VWC2L: variants seen among roughly 807,000 people sequenced by gnomAD.
VWC2L encodes von Willebrand factor C domain-containing protein 2-like.
Under a neutral mutation model 21.6 loss-of-function variants are expected in VWC2L, and 10 were observed. That is an observed-to-expected ratio of 0.46 (90% CI 0.29 to 0.78). The LOEUF is 0.78. Ranked by LOEUF, VWC2L falls within the 30% of genes least tolerant of loss-of-function variation. VWC2L has a pLI of 0.10. For synonymous variants in VWC2L, 96 were observed against 94.3 expected (o/e 1.02, Z -0.10); for missense variants, 209 against 277.1 (o/e 0.75, Z 1.74).
intron 3 of VWC2L, among the ~76,000 whole-genome samples, chr2:214,457,687 T>A (rs1222364026): frequency 6.6e-6 from 1 of 152,164 alleles, no homozygotes; most frequent in African/African-American, 2.4e-5. Flanking sequence ...TTATCATGAA[T>A]GGATGTTGAA....
chr2:214,483,345 A>AT (rs376931341), intron 3 of VWC2L, among the ~76,000 whole-genome samples: 1,618 of 151,210 alleles, frequency 0.011, 28 homozygotes, highest in South Asian at 0.075. Context: ...TGGCTTAACT[A>AT]TTTTTTTTTC....
intron 3 of VWC2L, among the ~76,000 whole-genome samples, chr2:214,460,615 T>C (rs1227197909): frequency 6.6e-6 from 1 of 152,174 alleles, no homozygotes; most frequent in Non-Finnish European, 1.5e-5. Context: ...CCAGGATTCA[T>C]TTGGTTCTTT....
At chr2:214,427,100 A>G (rs1280454554) in intron 2 of VWC2L, among the ~76,000 whole-genome samples, 1 of 152,266 alleles carries the variant, frequency 6.6e-6, no homozygotes, top group South Asian at 2.1e-4. Flanking sequence ...AATTTTTAAA[A>G]AAGAAAATGC....
intron 3 of VWC2L, among the ~76,000 whole-genome samples, chr2:214,513,763 C>G (rs1209163439): frequency 6.6e-6 from 1 of 152,082 alleles, no homozygotes; most frequent in East Asian, 1.9e-4. Context: ...TAAAACAGAA[C>G]CCTCTATACA....
chr2:214,551,940 T>G (rs1329651579), intron 3 of VWC2L, among the ~76,000 whole-genome samples: 1 of 152,256 alleles, frequency 6.6e-6, no homozygotes, highest in Non-Finnish European at 1.5e-5. Context: ...AGCATCATTT[T>G]AACTCCTTCA....
intron 3 of VWC2L, among the ~76,000 whole-genome samples, chr2:214,440,774 T>TTAAGA (rs1702754340): frequency 2.0e-5 from 3 of 152,136 alleles, no homozygotes; most frequent in Admixed American, 1.3e-4. Context: ...TAAGAATCCA[T>TTAAGA]ATTTATAGAA....
At chr2:214,479,208 T>G (rs968120852) in intron 3 of VWC2L, among the ~76,000 whole-genome samples, 1 of 152,220 alleles carries the variant, frequency 6.6e-6, no homozygotes, top group African/African-American at 2.4e-5. Flanking sequence ...TCATGTCATT[T>G]ATAAATGATG....
intron 3 of VWC2L, among the ~76,000 whole-genome samples, chr2:214,501,393 C>G (rs192030316): frequency 1.3e-5 from 2 of 152,058 alleles, no homozygotes; most frequent in Admixed American, 1.3e-4. Context: ...CATACCCTTA[C>G]GTGTACCTGC....
At chr2:214,435,443 A>G (rs1485128527) in intron 2 of VWC2L, among the ~76,000 whole-genome samples, 1 of 152,202 alleles carries the variant, frequency 6.6e-6, no homozygotes, top group Non-Finnish European at 1.5e-5. Flanking sequence ...GTCATTCTCC[A>G]AGCAAAAAGC....
intron 3 of VWC2L, among the ~76,000 whole-genome samples, chr2:214,456,204 A>AT (rs947242502): frequency 7.8e-5 from 9 of 115,848 alleles, no homozygotes; most frequent in African/African-American, 2.1e-4. Context: ...AGCATCTGTT[A>AT]TTTTTTTGTC....
intron 3 of VWC2L, among the ~76,000 whole-genome samples, chr2:214,493,940 G>A (rs1337172526): frequency 6.6e-6 from 1 of 152,140 alleles, no homozygotes; most frequent in Non-Finnish European, 1.5e-5. Flanking sequence ...TTCACCAACT[G>A]TCATCTATTT....
chr2:214,432,900 T>C (rs1452285294), intron 2 of VWC2L, among the ~76,000 whole-genome samples: 1 of 151,920 alleles, frequency 6.6e-6, no homozygotes, highest in Non-Finnish European at 1.5e-5. Context: ...CATGCACCTG[T>C]AATTCCAGCT....
At chr2:214,452,739 A>G (rs1702994129) in intron 3 of VWC2L, among the ~76,000 whole-genome samples, 1 of 152,112 alleles carries the variant, frequency 6.6e-6, no homozygotes, top group Non-Finnish European at 1.5e-5. Context: ...CCTCCTCACC[A>G]ATGCTTGGAA....
intron 3 of VWC2L, among the ~76,000 whole-genome samples, chr2:214,544,257 T>C (rs936080424): frequency 6.6e-6 from 1 of 152,186 alleles, no homozygotes; most frequent in African/African-American, 2.4e-5. Flanking sequence ...TGTACAGGTA[T>C]AGATTAGAGA....
At chr2:214,545,458 T>A (rs1018585875) in intron 3 of VWC2L, among the ~76,000 whole-genome samples, 9 of 152,186 alleles carry the variant, frequency 5.9e-5, no homozygotes, top group Non-Finnish European at 8.8e-5. Flanking sequence ...ATGGTTTTTG[T>A]AAAGAGAATA....
intron 3 of VWC2L, among the ~76,000 whole-genome samples, chr2:214,573,584 G>C (rs1690184261): frequency 1.3e-5 from 2 of 152,106 alleles, no homozygotes; most frequent in Non-Finnish European, 2.9e-5. Flanking sequence ...CCTAGAACTG[G>C]CTGGGCTGAG....
chr2:214,508,270 G>T (rs926515434), intron 3 of VWC2L, among the ~76,000 whole-genome samples: 1 of 152,014 alleles, frequency 6.6e-6, no homozygotes, highest in Admixed American at 6.6e-5. Context: ...CACCACCCCC[G>T]GCTCTTCTGT....
At chr2:214,484,788 T>G (rs1688653610) in intron 3 of VWC2L, among the ~76,000 whole-genome samples, 1 of 152,220 alleles carries the variant, frequency 6.6e-6, no homozygotes, top group South Asian at 2.1e-4. Context: ...ATTTGTGTAA[T>G]ATTTTCCTTA....
At chr2:214,514,967 A>G (rs1689117413) in intron 3 of VWC2L, among the ~76,000 whole-genome samples, 1 of 152,260 alleles carries the variant, frequency 6.6e-6, no homozygotes, top group Non-Finnish European at 1.5e-5. Flanking sequence ...GATAAAATAC[A>G]GTTTTAATTC....
Sources: gnomAD v4.1 joint callset for allele counts (sites outside exome capture counted in the v4.1 genomes callset) on GRCh38, gnomAD v4.1.1 for gene constraint, MANE v1.5 for transcripts, NCBI Gene and HGNC (gene_info 2026-07-23, HGNC 2026-07-21) for gene names.